ROBO2: variants seen among roughly 807,000 people sequenced by gnomAD.
ROBO2 encodes the protein roundabout guidance receptor 2.
A neutral mutation model predicts 160.8 loss-of-function variants in ROBO2; 53 were observed. The ratio of observed to expected loss-of-function variants is 0.33; its 90% CI spans 0.26 to 0.41. The LOEUF (loss-of-function observed/expected upper bound fraction) is 0.41, where lower values mean the gene tolerates loss of function less well. ROBO2 is among the 10% of genes least tolerant of loss of function. The pLI is 1.00. For synonymous variants in ROBO2, 664 were observed against 611.7 expected, an observed-to-expected ratio of 1.09 and a Z score of -1.26; for missense variants, 1,577 against 1,722.4, an observed-to-expected ratio of 0.92 and a Z score of 1.49.
intron 2 of ROBO2, among the ~76,000 whole-genome samples, chr3:77,127,719 T>A (rs1220381643): frequency 6.6e-6 from 1 of 152,196 alleles, no homozygotes; most frequent in Non-Finnish European, 1.5e-5. Flanking sequence ...AATTAAGGCC[T>A]CATTCCCTTG....
At chr3:76,654,542 A>G (rs2091404232) in intron 2 of ROBO2, among the ~76,000 whole-genome samples, 1 of 152,060 alleles carries the variant, frequency 6.6e-6, no homozygotes, top group South Asian at 2.1e-4. Context: ...TCAACACCAC[A>G]CAGATCATGG....
chr3:76,488,045 C>T (rs2079595468), intron 2 of ROBO2, among the ~76,000 whole-genome samples: 1 of 152,190 alleles, frequency 6.6e-6, no homozygotes. Context: ...GAGAGGATTA[C>T]ACAACCATAT....
At chr3:77,126,987 C>T (rs918268461) in intron 2 of ROBO2, among the ~76,000 whole-genome samples, 8 of 151,484 alleles carry the variant, frequency 5.3e-5, no homozygotes, top group Admixed American at 4.6e-4. Flanking sequence ...GACGGGGTTT[C>T]ACCATGTTAG....
intron 2 of ROBO2, among the ~76,000 whole-genome samples, chr3:77,247,408 G>A (rs572473419): frequency 1.3e-5 from 2 of 152,230 alleles, no homozygotes; most frequent in South Asian, 2.1e-4. Flanking sequence ...AGGCTGTTCC[G>A]CAAGGACATT....
chr3:77,298,000 A>G lies in ROBO2; in HGVS notation c.389-179414A>G, dbSNP rs575839546. 1.2e-3 allele frequency among the ~76,000 whole-genome samples: 181 copies of G among 152,204 alleles called. 2 individuals are homozygous for G. The highest frequency in any genetic ancestry group is 4.0e-3 in the African/African-American group (168 of 41,524). On this transcript the variant is annotated intron_variant, in intron 2 of 25. Coordinates refer to ENST00000461745, the Ensembl canonical transcript of ROBO2. ...AGCAGCTGAATGAGTCCATCAGTGG[A>G]TGGGCTACCTAAGCGGGTAGGGCAT...
intron 2 of ROBO2, among the ~76,000 whole-genome samples, chr3:76,457,171 C>T (rs2077807427): frequency 6.6e-6 from 1 of 152,164 alleles, no homozygotes; most frequent in African/African-American, 2.4e-5. Flanking sequence ...AGTCCACAGT[C>T]CAAAGTCTCA....
At chr3:75,914,090 C>G (rs2106760686) in intron 1 of ROBO2, among the ~76,000 whole-genome samples, 1 of 152,226 alleles carries the variant, frequency 6.6e-6, no homozygotes, top group South Asian at 2.1e-4. Context: ...TGAATTCTTG[C>G]TGCCTCACAA....
intron 2 of ROBO2, among the ~76,000 whole-genome samples, chr3:75,967,220 A>T (rs2107326783): frequency 6.6e-6 from 1 of 151,718 alleles, no homozygotes; most frequent in Admixed American, 6.6e-5. Flanking sequence ...TGTCAGCAGG[A>T]TGAGGCACAT....
chr3:76,317,071 T>G (rs1431333042), intron 2 of ROBO2, among the ~76,000 whole-genome samples: 2 of 152,220 alleles, frequency 1.3e-5, no homozygotes, highest in African/African-American at 2.4e-5. Flanking sequence ...ATCTGTCAGT[T>G]TTTATAGTGC....
chr3:76,402,992 A>T (rs1576976907), intron 2 of ROBO2, among the ~76,000 whole-genome samples: 1 of 151,610 alleles, frequency 6.6e-6, no homozygotes, highest in Middle Eastern at 3.2e-3. Flanking sequence ...GGAGATTCTG[A>T]CAATTTTGGA....
chr3:76,135,184 C>T (rs2071384471), intron 2 of ROBO2, among the ~76,000 whole-genome samples: 2 of 152,042 alleles, frequency 1.3e-5, no homozygotes, highest in African/African-American at 4.8e-5. Flanking sequence ...AGAACGCAGT[C>T]ACATCATGGG....
chr3:77,309,764 A>T lies in ROBO2; in HGVS notation c.389-167650A>T, dbSNP rs114805693. On this transcript the variant is annotated intron_variant, in intron 2 of 25. Coordinates refer to ENST00000461745, the Ensembl canonical transcript of ROBO2. ...GAAATGTTTCTCTGGACAATCCAAG[A>T]GGAATCAAACATTTACATCAGCAAG... Among the ~76,000 whole-genome samples, 587 of 152,336 alleles carry T rather than the reference A, an allele frequency of 3.9e-3. 4 individuals are homozygous for T. Among genetic ancestry groups the T allele is most frequent in the Non-Finnish European group, 5.6e-3 (383 of 68,036 alleles).
chr3:76,483,494 G>A (rs183877696), intron 2 of ROBO2, among the ~76,000 whole-genome samples: 8 of 151,810 alleles, frequency 5.3e-5, no homozygotes, highest in Admixed American at 1.3e-4. Context: ...CTTACAAGTC[G>A]CATATGTAAC....
intron 2 of ROBO2, among the ~76,000 whole-genome samples, chr3:76,386,466 A>G (rs1343065492): frequency 6.6e-6 from 1 of 151,728 alleles, no homozygotes; most frequent in Non-Finnish European, 1.5e-5. Context: ...TTCAGCACTC[A>G]TGAGGGTTGC....
intron 2 of ROBO2, among the ~76,000 whole-genome samples, chr3:77,353,274 A>G (rs1196259527): frequency 6.6e-6 from 1 of 152,202 alleles, no homozygotes; most frequent in African/African-American, 2.4e-5. Flanking sequence ...GGTGCTGTCA[A>G]TAGTGTAAAA....
At chr3:76,164,785 G>C (rs1246431896) in intron 2 of ROBO2, among the ~76,000 whole-genome samples, 1 of 152,132 alleles carries the variant, frequency 6.6e-6, no homozygotes, top group Non-Finnish European at 1.5e-5. Flanking sequence ...TCTTTGAAAT[G>C]GTCAGTGAGC....
chr3:77,383,839 A>G (rs2073815876), intron 2 of ROBO2, among the ~76,000 whole-genome samples: 1 of 152,122 alleles, frequency 6.6e-6, no homozygotes, highest in Admixed American at 6.5e-5. Context: ...CTAATATTCC[A>G]TAGAGGTTTA....
At chr3:76,998,388 GAAATATGGACCAA>G (rs1321417308) in intron 2 of ROBO2, among the ~76,000 whole-genome samples, 3 of 152,082 alleles carry the variant, frequency 2.0e-5, no homozygotes, top group Non-Finnish European at 4.4e-5. Flanking sequence ...GTACTTTCAA[GAAATATGGACCAA>G]AAATTTAAAG....
At chr3:77,522,881 T>A (rs746430309) in exon 6 of ROBO2, 1 of 1,609,454 alleles carries the variant, frequency 6.2e-7, no homozygotes, top group South Asian at 1.1e-5. Flanking sequence ...AATGGAAGCC[T>A]CTGCTACACT....
Sources: allele counts gnomAD v4.1 joint callset (sites outside exome capture counted in the v4.1 genomes callset), GRCh38; gene constraint gnomAD v4.1.1; transcripts MANE v1.5; gene names NCBI Gene and HGNC (gene_info 2026-07-23, HGNC 2026-07-21).